CFAP61: variants seen among roughly 807,000 people sequenced by gnomAD.
CFAP61 encodes cilia and flagella associated protein 61, also known as cilia- and flagella-associated protein 61.
Under a neutral mutation model 135.6 loss-of-function variants are expected in CFAP61, and 107 were observed. The observed-to-expected ratio is 0.79, with a 90% confidence interval of 0.67 to 0.93. CFAP61 has a LOEUF of 0.93. CFAP61 is among the 40% of genes least tolerant of loss of function. CFAP61 has a pLI of 0.00. For synonymous variants in CFAP61, 575 were observed against 578.5 expected, an observed-to-expected ratio of 0.99 and a Z score of 0.09; for missense variants, 1,507 against 1,556.2, an observed-to-expected ratio of 0.97 and a Z score of 0.53.
chr20:20,055,443 G>A (rs1165308591), intron 1 of CFAP61, among the ~76,000 whole-genome samples: 2 of 152,082 alleles, frequency 1.3e-5, no homozygotes, highest in Non-Finnish European at 2.9e-5. Flanking sequence ...TTACCGAGGG[G>A]CCCATCCAAA....
Position 20,195,278 on chromosome 20 carries a change from GAAC to G in CFAP61, c.1591-1290_1591-1288del, listed in dbSNP as rs2056206522. 1.3e-5 allele frequency among the ~76,000 whole-genome samples: 2 copies of G among 152,230 alleles called. 1 individual carries two copies. Among genetic ancestry groups the G allele is most frequent in the South Asian group, 4.1e-4 (2 of 4,832 alleles). ...GCTGGTGCCAGCCTTGCTGATCACA[GAAC>G]ACATCAGGGGCCTTGCATTCTCCAA... is the stretch of plus-strand genomic sequence containing the variant. On this transcript the variant is annotated intron_variant, in intron 15 of 26. Transcript: ENST00000245957.
intron 19 of CFAP61, among the ~76,000 whole-genome samples, chr20:20,246,973 A>G (rs1448379630): frequency 6.6e-6 from 1 of 152,222 alleles, no homozygotes; most frequent in Non-Finnish European, 1.5e-5. Flanking sequence ...TTATAATTTT[A>G]TCAGACTATA....
chr20:20,073,517 AC>A (rs1202080134), intron 3 of CFAP61, among the ~76,000 whole-genome samples: 1 of 152,208 alleles, frequency 6.6e-6, no homozygotes, highest in Non-Finnish European at 1.5e-5. Flanking sequence ...TGATATAGGT[AC>A]CAGCACCACC....
chr20:20,216,491 C>T (rs2048042601), intron 17 of CFAP61, among the ~76,000 whole-genome samples: 2 of 152,230 alleles, frequency 1.3e-5, no homozygotes. Flanking sequence ...GAGTCTCAGA[C>T]ACCCTGCAAG....
chr20:20,088,798 A>G (rs1260414475), intron 6 of CFAP61, among the ~76,000 whole-genome samples: 3 of 152,118 alleles, frequency 2.0e-5, no homozygotes, highest in African/African-American at 7.2e-5. Context: ...CTGAAGTTTT[A>G]TAGACCAGAG....
chr20:20,148,989 T>C (rs2052155232), intron 9 of CFAP61, among the ~76,000 whole-genome samples: 1 of 152,168 alleles, frequency 6.6e-6, no homozygotes, highest in Non-Finnish European at 1.5e-5. Context: ...AAGCAAAAGC[T>C]TGGCAGTAGA....
chr20:20,163,228 A>G (rs879489717), intron 10 of CFAP61, among the ~76,000 whole-genome samples: 1 of 152,160 alleles, frequency 6.6e-6, no homozygotes, highest in Non-Finnish European at 1.5e-5. Flanking sequence ...TCCATGAGGG[A>G]TCTCAAAGGG....
intron 8 of CFAP61, among the ~76,000 whole-genome samples, chr20:20,106,000 C>CTATATATATATATA (rs10523115): frequency 4.9e-5 from 5 of 102,636 alleles, no homozygotes; most frequent in Admixed American, 1.0e-4. Context: ...CTACTCTTGC[C>CTATATATATATATA]TATATATATA....
At chr20:20,154,772 T>C (rs904987396) in intron 9 of CFAP61, among the ~76,000 whole-genome samples, 5 of 152,004 alleles carry the variant, frequency 3.3e-5, no homozygotes, top group Non-Finnish European at 5.9e-5. Context: ...AAGACATCAC[T>C]GATGACACAA....
intron 9 of CFAP61, among the ~76,000 whole-genome samples, chr20:20,149,736 A>C (rs942163021): frequency 6.6e-6 from 1 of 152,196 alleles, no homozygotes; most frequent in Admixed American, 6.5e-5. Flanking sequence ...CCCTGACTAT[A>C]TCTCACAGAC....
Position 20,052,604 on chromosome 20 carries a change from G to T in CFAP61, c.-37+13G>T. On this transcript the variant is annotated intron_variant, in intron 1 of 26. Transcript: ENST00000245957. ...AGCTGCGGATGAGGTGGGTAACGCC[G>T]TGCTGACTAGCAGCGACGCAAGGAC... 1 of 1,613,744 alleles carries T rather than the reference G, an allele frequency of 6.2e-7. No homozygotes were observed. Among genetic ancestry groups the T allele is most frequent in the Non-Finnish European group, 8.5e-7 (1 of 1,179,870 alleles).
At chr20:20,085,045 G>A in intron 6 of CFAP61, 1 of 896,758 alleles carries the variant, frequency 1.1e-6, no homozygotes, top group South Asian at 5.1e-5. Flanking sequence ...CAGAATGGAA[G>A]ATATAAAGTA....
At chr20:20,331,842 T>C (rs1422224750) in intron 25 of CFAP61, among the ~76,000 whole-genome samples, 2 of 152,188 alleles carry the variant, frequency 1.3e-5, no homozygotes, top group African/African-American at 4.8e-5. Context: ...AATGCTGGCC[T>C]GGGCTCTCTG....
intron 24 of CFAP61, among the ~76,000 whole-genome samples, chr20:20,290,844 T>G (rs556542304): frequency 9.2e-5 from 14 of 152,290 alleles, no homozygotes; most frequent in African/African-American, 3.4e-4. Flanking sequence ...CTTCATGCCT[T>G]CAGGTGACTG....
At chr20:20,079,628 A>C (rs1232981063) in intron 6 of CFAP61, among the ~76,000 whole-genome samples, 1 of 152,190 alleles carries the variant, frequency 6.6e-6, no homozygotes, top group Non-Finnish European at 1.5e-5. Flanking sequence ...CATGTCTCTT[A>C]ACGAAGTTCA....
intron 26 of CFAP61, among the ~76,000 whole-genome samples, chr20:20,344,977 G>C (rs112140493): frequency 6.6e-6 from 1 of 152,178 alleles, no homozygotes; most frequent in Non-Finnish European, 1.5e-5. Flanking sequence ...AGGACATTAT[G>C]TTAAGTAAAA....
intron 25 of CFAP61, among the ~76,000 whole-genome samples, chr20:20,330,176 ATATAT>A (rs2057928543): frequency 6.6e-6 from 1 of 152,186 alleles, no homozygotes; most frequent in African/African-American, 2.4e-5. Flanking sequence ...TAATTTAATA[ATATAT>A]TATATTTAAC....
intron 8 of CFAP61, among the ~76,000 whole-genome samples, chr20:20,135,771 A>G (rs11905191): frequency 1.3e-5 from 2 of 152,172 alleles, no homozygotes; most frequent in African/African-American, 4.8e-5. Flanking sequence ...AGTAGTTTAC[A>G]TACCATAATT....
intron 22 of CFAP61, 46 bp downstream of exon 22, chr20:20,277,504 A>T: frequency 6.5e-7 from 1 of 1,542,002 alleles, no homozygotes; most frequent in Non-Finnish European, 8.8e-7. Flanking sequence ...GGGACAGAGG[A>T]CATCTCCAAG....
Sources: gnomAD v4.1 joint callset for allele counts (sites outside exome capture counted in the v4.1 genomes callset) on GRCh38, gnomAD v4.1.1 for gene constraint, MANE v1.5 for transcripts, NCBI Gene and HGNC (gene_info 2026-07-23, HGNC 2026-07-21) for gene names.